COMMD10: variants seen among roughly 807,000 people sequenced by gnomAD.
COMMD10 encodes COMM domain containing 10.
Under a neutral mutation model 28.9 loss-of-function variants are expected in COMMD10, and 33 were observed. The observed-to-expected ratio is 1.14, with a 90% CI of 0.87 to 1.53. COMMD10 has a LOEUF of 1.53. Ranked by LOEUF, COMMD10 falls within the 40% of genes most tolerant of loss-of-function variation. The pLI is 0.00. For synonymous variants in COMMD10, 110 were observed against 81.7 expected, an observed-to-expected ratio of 1.35 and a Z score of -1.87; for missense variants, 310 against 233.4, an observed-to-expected ratio of 1.33 and a Z score of -2.14.
intron 5 of COMMD10, among the ~76,000 whole-genome samples, chr5:116,203,170 C>T (rs879578983): frequency 6.6e-6 from 1 of 151,656 alleles, no homozygotes; most frequent in Admixed American, 6.6e-5. Context: ...TGAAATGAAG[C>T]GAGAAGGAAA....
chr5:116,230,114 G>A (rs1749492767), intron 5 of COMMD10, among the ~76,000 whole-genome samples: 1 of 151,898 alleles, frequency 6.6e-6, no homozygotes, highest in Non-Finnish European at 1.5e-5. Flanking sequence ...CAATGTCTAG[G>A]TATTCTGAAT....
At chr5:116,170,102 C>G (rs143720519) in intron 5 of COMMD10, among the ~76,000 whole-genome samples, 1 of 152,112 alleles carries the variant, frequency 6.6e-6, no homozygotes, top group East Asian at 1.9e-4. Flanking sequence ...TTGTCTCAGC[C>G]CAAAATCTCC....
At chr5:116,278,001 C>T (rs770494230) in intron 5 of COMMD10, among the ~76,000 whole-genome samples, 53 of 151,746 alleles carry the variant, frequency 3.5e-4, no homozygotes, top group Non-Finnish European at 6.8e-4. Context: ...TAAAACTACA[C>T]ACTAGAAACA....
chr5:116,092,189 A>G (rs1750319372), intron 3 of COMMD10, among the ~76,000 whole-genome samples: 1 of 152,218 alleles, frequency 6.6e-6, no homozygotes, highest in South Asian at 2.1e-4. Context: ...AAACAAAACT[A>G]TTGTATACTT....
chr5:116,134,207 G>C (rs989465871), intron 5 of COMMD10, 29 bp downstream of exon 5: 1 of 1,321,648 alleles, frequency 7.6e-7, no homozygotes, highest in Non-Finnish European at 1.1e-6. Context: ...TTAAAAGGAT[G>C]TATTTTGTTT....
intron 5 of COMMD10, among the ~76,000 whole-genome samples, chr5:116,170,664 G>T (rs143199190): frequency 0.073 from 11,101 of 152,072 alleles, 470 homozygotes; most frequent in Admixed American, 0.13. Flanking sequence ...CAGAACAGAG[G>T]CCTCAGAAAT....
chr5:116,257,443 A>G (rs1750319018), intron 5 of COMMD10, among the ~76,000 whole-genome samples: 1 of 151,764 alleles, frequency 6.6e-6, no homozygotes, highest in Admixed American at 6.6e-5. Flanking sequence ...CGATAAAGAA[A>G]TATTTAATTT....
chr5:116,268,534 A>G (rs1025744548), intron 5 of COMMD10, among the ~76,000 whole-genome samples: 16 of 151,952 alleles, frequency 1.1e-4, no homozygotes, highest in African/African-American at 3.9e-4. Flanking sequence ...ATTGTGGAAG[A>G]CAGTGTGGCG....
chr5:116,230,084 G>A (rs7720967), intron 5 of COMMD10, among the ~76,000 whole-genome samples: 148,679 of 151,976 alleles, frequency 0.98, 72,811 homozygotes, highest in South Asian at 1. Context: ...GGTTCATTCT[G>A]TCTATTTTGC....
chr5:116,259,534 G>A (rs552722230), intron 5 of COMMD10, among the ~76,000 whole-genome samples: 1 of 151,424 alleles, frequency 6.6e-6, no homozygotes, highest in East Asian at 1.9e-4. Flanking sequence ...AGTGTTTGGT[G>A]ATTTTTGGTT....
rs1056730955 is a variant in COMMD10 at position 116,205,315 on chromosome 5, C to G, written c.510+71137C>G. 7.2e-5 allele frequency among the ~76,000 whole-genome samples: 11 copies of G among 152,134 alleles called. No homozygotes were observed. In the East Asian group the frequency reaches 1.9e-3, roughly 27 times the overall value. ...TAGCAATATAAAAGAATTCTGCAGT[C>G]CCTCCCTATTTAGTTGTTGGAAGAG... On this transcript the variant is annotated intron_variant, in intron 5 of 6. Coordinates refer to ENST00000274458, the MANE Select transcript of COMMD10 (RefSeq NM_016144.4).
intron 5 of COMMD10, among the ~76,000 whole-genome samples, chr5:116,136,941 C>G (rs1561624059): frequency 6.6e-6 from 1 of 152,066 alleles, no homozygotes; most frequent in Non-Finnish European, 1.5e-5. Flanking sequence ...GCATTGTACA[C>G]ATTTTGTGCC....
At chr5:116,202,607 G>T (rs1253464034) in intron 5 of COMMD10, among the ~76,000 whole-genome samples, 3 of 151,882 alleles carry the variant, frequency 2.0e-5, no homozygotes, top group African/African-American at 4.9e-5. Flanking sequence ...ATCTCATTGT[G>T]GTTTTGATTT....
At chr5:116,213,563 A>G (rs557762552) in intron 5 of COMMD10, among the ~76,000 whole-genome samples, 65 of 152,242 alleles carry the variant, frequency 4.3e-4, no homozygotes, top group African/African-American at 1.5e-3. Flanking sequence ...TGAAGGATAT[A>G]TGAGTATTTT....
At chr5:116,237,438 TTTAG>T (rs1749697079) in intron 5 of COMMD10, among the ~76,000 whole-genome samples, 1 of 151,880 alleles carries the variant, frequency 6.6e-6, no homozygotes, top group Admixed American at 6.6e-5. Flanking sequence ...TGATTTTCAA[TTTAG>T]TTCTATCATA....
chr5:116,269,083 G>T (rs1203556755), intron 5 of COMMD10, among the ~76,000 whole-genome samples: 1 of 151,248 alleles, frequency 6.6e-6, no homozygotes. Flanking sequence ...GTACCCTAGA[G>T]CTTAAAGTAT....
intron 5 of COMMD10, among the ~76,000 whole-genome samples, chr5:116,181,348 T>C (rs1211839393): frequency 6.6e-6 from 1 of 151,314 alleles, no homozygotes; most frequent in African/African-American, 2.4e-5. Context: ...GTTCTTATTA[T>C]TGACCAAGAT....
At chr5:116,203,426 GA>G (rs1374437961) in intron 5 of COMMD10, among the ~76,000 whole-genome samples, 1 of 152,006 alleles carries the variant, frequency 6.6e-6, no homozygotes, top group African/African-American at 2.4e-5. Flanking sequence ...GCAACTCCGA[GA>G]CACATAATTG....
At chr5:116,220,868 C>G (rs867997371) in intron 5 of COMMD10, among the ~76,000 whole-genome samples, 8 of 151,962 alleles carry the variant, frequency 5.3e-5, no homozygotes, top group Non-Finnish European at 8.8e-5. Context: ...TAAAATTAAT[C>G]AGGGAAGAAG....
Sources: allele counts gnomAD v4.1 joint callset (sites outside exome capture counted in the v4.1 genomes callset), GRCh38; gene constraint gnomAD v4.1.1; transcripts MANE v1.5; gene names NCBI Gene and HGNC (gene_info 2026-07-23, HGNC 2026-07-21).